The following SBF2 variants were observed in gnomAD, a reference collection of about 807,000 sequenced individuals.
SBF2 encodes the protein myotubularin-related protein 13.
In SBF2, 112 loss-of-function variants were observed where a neutral mutation model predicts 225.2. The ratio of observed to expected loss-of-function variants is 0.50; its 90% CI spans 0.43 to 0.58. The LOEUF is 0.58. SBF2 is among the 20% of genes least tolerant of loss of function. The pLI is 0.00. For synonymous variants in SBF2, 763 were observed against 773.3 expected, an observed-to-expected ratio of 0.99 and a Z score of 0.22; for missense variants, 1,996 against 2,206.2, an observed-to-expected ratio of 0.90 and a Z score of 1.91.
chr11:10,241,779 C>T (rs1185175447), intron 1 of SBF2, among the ~76,000 whole-genome samples: 1 of 152,062 alleles, frequency 6.6e-6, no homozygotes, highest in Non-Finnish European at 1.5e-5. Flanking sequence ...TTCCAAAATT[C>T]ATTTCTCCAT....
At chr11:9,993,803 G>A in intron 10 of SBF2, 118 bp downstream of exon 10, 1 of 1,010,874 alleles carries the variant, frequency 9.9e-7, no homozygotes, top group South Asian at 1.5e-5. Context: ...TTCTAATTTG[G>A]GGCACTTTTT....
At chr11:9,890,457 C>T (rs540104833) in intron 17 of SBF2, among the ~76,000 whole-genome samples, 240 of 152,160 alleles carry the variant, frequency 1.6e-3, no homozygotes, top group African/African-American at 5.5e-3. Context: ...TATGTTTCTC[C>T]TGAGAATGAG....
chr11:9,872,648 C>T (rs1303882093), intron 17 of SBF2, among the ~76,000 whole-genome samples: 1 of 152,116 alleles, frequency 6.6e-6, no homozygotes, highest in Non-Finnish European at 1.5e-5. Context: ...ATGACAAACA[C>T]TGACGTGTGG....
At chr11:10,089,515 C>G (rs946403682) in intron 2 of SBF2, among the ~76,000 whole-genome samples, 1 of 152,138 alleles carries the variant, frequency 6.6e-6, no homozygotes, top group Admixed American at 6.5e-5. Flanking sequence ...ATCTTTTTCT[C>G]TATTCCCTGA....
rs1272570211 is a variant in SBF2 at position 9,779,317 on chromosome 11, G to T, written c.*1101C>A. 6.6e-6 allele frequency: 1 copy of T among 152,624 alleles called. No individual in the cohort carries two copies. Among genetic ancestry groups the T allele is most frequent in the Non-Finnish European group, 1.5e-5 (1 of 68,036 alleles). The allele number at this position is 152,624 out of a possible 1,614,324, so 9.5% of individuals were successfully genotyped here. On this transcript the variant is annotated 3_prime_UTR_variant, in exon 40 of 40. Transcript: ENST00000256190. ...ATTAACATTTCAAAACAAATGCAATGATCTAGCTACCTATGACGCCAGCTG... is the reference window on the plus strand; with the variant it reads ...ATTAACATTTCAAAACAAATGCAATTATCTAGCTACCTATGACGCCAGCTG...
chr11:10,139,766 G>A (rs572279193), intron 2 of SBF2, among the ~76,000 whole-genome samples: 29 of 152,342 alleles, frequency 1.9e-4, no homozygotes, highest in African/African-American at 6.7e-4. Flanking sequence ...GGCCAAGTAA[G>A]TTATTGTCCT....
intron 1 of SBF2, among the ~76,000 whole-genome samples, chr11:10,234,210 T>A (rs1479961852): frequency 6.6e-6 from 1 of 152,198 alleles, no homozygotes; most frequent in African/African-American, 2.4e-5. Flanking sequence ...TGCAGAGGAT[T>A]TGAGATGTTG....
chr11:10,225,315 A>T (rs537540385), intron 1 of SBF2, among the ~76,000 whole-genome samples: 5 of 150,964 alleles, frequency 3.3e-5, no homozygotes, highest in African/African-American at 4.9e-5. Context: ...CTTCTTCTTT[A>T]AAAAAAAAGA....
chr11:10,168,074 G>GT (rs542069453), intron 2 of SBF2, among the ~76,000 whole-genome samples: 40 of 152,172 alleles, frequency 2.6e-4, no homozygotes, highest in African/African-American at 4.6e-4. Flanking sequence ...CTGTTTTACT[G>GT]TTTTTTTACA....
At chr11:10,114,847 C>T (rs565565800) in intron 2 of SBF2, among the ~76,000 whole-genome samples, 48 of 152,288 alleles carry the variant, frequency 3.2e-4, no homozygotes, top group African/African-American at 1.1e-3. Flanking sequence ...CATTCTTCTA[C>T]ATGATGGTTT....
At chr11:9,826,713 G>GTATATA (rs55922206) in intron 28 of SBF2, among the ~76,000 whole-genome samples, 116 of 148,874 alleles carry the variant, frequency 7.8e-4, no homozygotes, top group Admixed American at 8.1e-4. Context: ...TGTGTGGTGT[G>GTATATA]TATATATATA....
At chr11:10,095,212 A>G (rs1191781951) in intron 2 of SBF2, among the ~76,000 whole-genome samples, 1 of 152,120 alleles carries the variant, frequency 6.6e-6, no homozygotes, top group Non-Finnish European at 1.5e-5. Context: ...CATAAGCCAC[A>G]GTGTCCTGCC....
intron 28 of SBF2, among the ~76,000 whole-genome samples, chr11:9,820,035 T>C (rs1029209219): frequency 7.2e-5 from 11 of 152,132 alleles, no homozygotes; most frequent in African/African-American, 2.7e-4. Flanking sequence ...TTAGAGATAA[T>C]AGTTTTGTAA....
rs112355853 is a variant in SBF2, at chr11:9,853,380, T to C, written c.2536+160A>G. ...TGTACACTTAGATTATTTTATGTTA[T>C]ATATGTATTTTACAACAATTTAAAA... On this transcript the variant is annotated intron_variant, in intron 20 of 39. Coordinates refer to ENST00000256190, the MANE Select transcript of SBF2 (RefSeq NM_030962.4). Among the ~76,000 whole-genome samples, 40 of 152,372 alleles carry C rather than the reference T, an allele frequency of 2.6e-4. 1 individual carries two copies. Among genetic ancestry groups the C allele is most frequent in the Middle Eastern group, 6.8e-3 (2 of 294 alleles).
rs959244166 is a variant in SBF2 at position 10,237,870 on chromosome 11, G to A, written c.56-43883C>T. ...GTTTAGAATTGCATGTAAATAAATG[G>A]TATGTACTTTGGGAGGGGGTCACTT... On this transcript the variant is annotated intron_variant, in intron 1 of 39. Coordinates refer to ENST00000256190, the MANE Select transcript of SBF2 (RefSeq NM_030962.4). 3.3e-5 allele frequency among the ~76,000 whole-genome samples: 5 copies of A among 152,254 alleles called. No individual in the cohort carries two copies. In the South Asian group the frequency reaches 6.2e-4, roughly 19 times the overall value.
At chr11:9,884,385 TA>T (rs34503755) in intron 17 of SBF2, among the ~76,000 whole-genome samples, 88,658 of 151,940 alleles carry the variant, frequency 0.58, 26,352 homozygotes, top group African/African-American at 0.66. Context: ...TTCCTACTTT[TA>T]AAAAAAATGT....
chr11:9,800,226 G>C (rs1194086390), intron 32 of SBF2, among the ~76,000 whole-genome samples: 2 of 151,572 alleles, frequency 1.3e-5, no homozygotes, highest in African/African-American at 4.8e-5. Context: ...GAAGGAGCAA[G>C]ATTCCATCCT....
intron 1 of SBF2, among the ~76,000 whole-genome samples, chr11:10,237,919 T>C (rs1959141413): frequency 6.6e-6 from 1 of 152,228 alleles, no homozygotes; most frequent in African/African-American, 2.4e-5. Context: ...AGACCTGAAG[T>C]TGTTGATCCA....
chr11:10,205,531 G>C (rs1313987274), intron 1 of SBF2, among the ~76,000 whole-genome samples: 1 of 151,792 alleles, frequency 6.6e-6, no homozygotes, highest in African/African-American at 2.4e-5. Flanking sequence ...AGGCAACCCA[G>C]GCCTAGCATG....
Sources: allele counts gnomAD v4.1 joint callset (sites outside exome capture counted in the v4.1 genomes callset), GRCh38; gene constraint gnomAD v4.1.1; transcripts MANE v1.5; gene names NCBI Gene and HGNC (gene_info 2026-07-23, HGNC 2026-07-21).